The following COL21A1 variants were observed in gnomAD, a reference collection of about 807,000 sequenced individuals.
The protein encoded by COL21A1 is collagen alpha-1(XXI) chain.
Under a neutral mutation model 137.9 loss-of-function variants are expected in COL21A1, and 149 were observed. The observed-to-expected ratio is 1.08, with a 90% CI of 0.95 to 1.24. COL21A1 has a LOEUF of 1.24. Ranked by LOEUF, COL21A1 falls within the 50% of genes most tolerant of loss-of-function variation. The probability of loss-of-function intolerance (pLI) is 0.00; values close to 1 mark genes in which losing one functional copy is unlikely to be tolerated. For missense variants in COL21A1, 1,167 were observed against 1,158.4 expected (o/e 1.01, Z -0.11); for synonymous variants, 456 against 391.5 (o/e 1.16, Z -1.95).
intron 3 of COL21A1, among the ~76,000 whole-genome samples, chr6:56,176,542 G>T (rs1777483163): frequency 6.7e-6 from 1 of 149,512 alleles, no homozygotes; most frequent in South Asian, 2.1e-4. Context: ...TCAGAGAAAT[G>T]CAAATCAATA....
intron 24 of COL21A1, among the ~76,000 whole-genome samples, chr6:56,062,402 A>G (rs1390178997): frequency 1.3e-5 from 2 of 152,124 alleles, no homozygotes; most frequent in Non-Finnish European, 2.9e-5. Flanking sequence ...AGAGGAAAAA[A>G]ACTCTCAGGA....
chr6:56,123,277 T>C (rs547869130), intron 16 of COL21A1, among the ~76,000 whole-genome samples: 1 of 152,340 alleles, frequency 6.6e-6, no homozygotes, highest in South Asian at 2.1e-4. Context: ...CCATATTTTA[T>C]AGTCAGGTTA....
At chr6:56,107,380 A>C (rs1771043477) in intron 16 of COL21A1, among the ~76,000 whole-genome samples, 1 of 152,142 alleles carries the variant, frequency 6.6e-6, no homozygotes, top group East Asian at 1.9e-4. Context: ...AACCAAAAAA[A>C]AGTAACAGAA....
chr6:56,205,949 C>T (rs1055651550), intron 1 of COL21A1, among the ~76,000 whole-genome samples: 2 of 152,110 alleles, frequency 1.3e-5, no homozygotes, highest in Non-Finnish European at 2.9e-5. Context: ...ATTTTATCAC[C>T]ACCAGGCCTG....
At chr6:56,374,823 C>T (rs1400437070) in intron 1 of COL21A1, among the ~76,000 whole-genome samples, 1 of 151,466 alleles carries the variant, frequency 6.6e-6, no homozygotes, top group African/African-American at 2.4e-5. Context: ...ATTAGGAAAT[C>T]ACTGCTTCTA....
At chr6:56,307,190 A>T (rs557623791) in intron 1 of COL21A1, among the ~76,000 whole-genome samples, 12 of 152,208 alleles carry the variant, frequency 7.9e-5, no homozygotes, top group African/African-American at 2.9e-4. Context: ...TTGAGGAGGC[A>T]GTCTGTCCGT....
In COL21A1 at chr6:56,180,072, C is replaced by T; in HGVS notation, c.146G>A (p.Gly49Asp). The change falls in exon 3 of 30, where the codon GGC becomes GAC. Residue 49 changes from glycine to aspartate, a missense_variant. Transcript: ENST00000244728. ...TTTCACTATTTCAAAGTTTTCTGGG[C>T]CAACACTATAAGAGCCATCTAAGAT... ...VFILDGSYSV[G>D]PENFEIVKKW... 3.1e-6 allele frequency: 5 copies of T among 1,613,636 alleles called. No homozygotes were observed. The highest frequency in any genetic ancestry group is 4.2e-6 in the Non-Finnish European group (5 of 1,179,764).
At chr6:56,067,410 G>T in intron 22 of COL21A1, 80 bp from the exon 23 acceptor site, 1 of 1,312,564 alleles carries the variant, frequency 7.6e-7, no homozygotes, top group South Asian at 1.3e-5. Context: ...TTTCTCTGCT[G>T]AAGAAAAACA....
At chr6:56,125,657 A>T in intron 13 of COL21A1, 37 bp from the exon 14 acceptor site, 1 of 1,308,936 alleles carries the variant, frequency 7.6e-7, no homozygotes, top group Non-Finnish European at 1.0e-6. Context: ...TATTTAAGAA[A>T]TATGAATATT....
intron 1 of COL21A1, among the ~76,000 whole-genome samples, chr6:56,389,780 A>C (rs2094025483): frequency 6.6e-6 from 1 of 152,224 alleles, no homozygotes; most frequent in African/African-American, 2.4e-5. Flanking sequence ...ATGGGATAAC[A>C]TATTCAACAT....
intron 1 of COL21A1, chr6:56,276,672 A>G: frequency 1.4e-6 from 2 of 1,443,424 alleles, no homozygotes; most frequent in South Asian, 1.1e-5. Flanking sequence ...AAAGTCCTGC[A>G]TGATCCTTGT....
chr6:56,229,805 CT>C (rs1459000050), intron 1 of COL21A1, among the ~76,000 whole-genome samples: 2 of 151,948 alleles, frequency 1.3e-5, no homozygotes, highest in Non-Finnish European at 2.9e-5. Context: ...CGTAATCTGA[CT>C]GTGTACCTGA....
intron 1 of COL21A1, among the ~76,000 whole-genome samples, chr6:56,211,568 T>C (rs1485158537): frequency 6.6e-6 from 1 of 152,036 alleles, no homozygotes; most frequent in Non-Finnish European, 1.5e-5. Flanking sequence ...TTTACCTCAA[T>C]TCAAAACAAA....
intron 1 of COL21A1, among the ~76,000 whole-genome samples, chr6:56,379,656 G>GGA (rs937057224): frequency 6.6e-6 from 1 of 152,148 alleles, no homozygotes; most frequent in African/African-American, 2.4e-5. Flanking sequence ...CAGGGGTAGG[G>GGA]AAAAGAGTAC....
At chr6:56,308,014 G>T (rs888902009) in intron 1 of COL21A1, among the ~76,000 whole-genome samples, 5 of 152,184 alleles carry the variant, frequency 3.3e-5, no homozygotes, top group South Asian at 2.1e-4. Flanking sequence ...TTAAAAAGAA[G>T]GAAATTCTGC....
chr6:56,336,951 A>G (rs1016128757), intron 1 of COL21A1, among the ~76,000 whole-genome samples: 1 of 152,216 alleles, frequency 6.6e-6, no homozygotes, highest in Non-Finnish European at 1.5e-5. Flanking sequence ...TTGACTAAGT[A>G]AATACTCTCT....
chr6:56,124,145 AT>A, intron 15 of COL21A1, 30 bp from the exon 16 acceptor site: 1 of 1,534,368 alleles, frequency 6.5e-7, no homozygotes, highest in Non-Finnish European at 8.8e-7. Context: ...GCTTTAATAT[AT>A]TTTTGCACTA....
chr6:56,255,200 T>C (rs1782937043), intron 1 of COL21A1, among the ~76,000 whole-genome samples: 1 of 152,158 alleles, frequency 6.6e-6, no homozygotes, highest in African/African-American at 2.4e-5. Context: ...ACAACCTGCA[T>C]TTTCTTATTT....
chr6:56,303,767 T>C (rs1022573384), intron 1 of COL21A1, among the ~76,000 whole-genome samples: 6 of 152,208 alleles, frequency 3.9e-5, no homozygotes, highest in East Asian at 1.9e-4. Flanking sequence ...TCCAACACTA[T>C]GTTGAATAGG....
Sources: allele counts gnomAD v4.1 joint callset (sites outside exome capture counted in the v4.1 genomes callset), GRCh38; gene constraint gnomAD v4.1.1; transcripts MANE v1.5; gene names NCBI Gene and HGNC (gene_info 2026-07-23, HGNC 2026-07-21).